The following VWA2 variants were observed in gnomAD, a reference collection of about 807,000 sequenced individuals.
VWA2 encodes von Willebrand factor A domain-containing protein 2.
Under a neutral mutation model 70.4 loss-of-function variants are expected in VWA2, and 73 were observed. The observed-to-expected ratio is 1.04, with a 90% CI of 0.86 to 1.26. The LOEUF is 1.26. VWA2 is among the 50% of genes most tolerant of loss of function. The pLI is 0.00. For synonymous variants in VWA2, 407 were observed against 423.3 expected (o/e 0.96, Z 0.47); for missense variants, 1,011 against 998.5 (o/e 1.01, Z -0.17).
At chr10:114,289,655 T>C (rs2133695272) in intron 12 of VWA2, 166 bp downstream of exon 12, 3 of 707,994 alleles carry the variant, frequency 4.2e-6, no homozygotes, top group South Asian at 3.6e-5. Flanking sequence ...AATCCTACAG[T>C]AGGCATAACC....
chr10:114,267,705 G>C (rs1005998566), intron 5 of VWA2, among the ~76,000 whole-genome samples: 1 of 151,826 alleles, frequency 6.6e-6, no homozygotes, highest in African/African-American at 2.4e-5. Context: ...GCCTTCCAAA[G>C]TGCTGAGATT....
At chr10:114,269,001 C>T (rs969585435) in intron 5 of VWA2, among the ~76,000 whole-genome samples, 3 of 150,008 alleles carry the variant, frequency 2.0e-5, no homozygotes, top group Non-Finnish European at 4.4e-5. Context: ...CGTGAGCCAC[C>T]GCGCCCGGCC....
In VWA2 at chr10:114,255,012, C is replaced by T. The variant is rs768387598; in HGVS notation, c.225C>T (p.Ile75=). 6.2e-6 allele frequency: 10 copies of T among 1,612,828 alleles called. No individual in the cohort carries two copies. The highest frequency in any genetic ancestry group is 7.6e-6 in the Non-Finnish European group (9 of 1,179,950). Residue 75 remains isoleucine, a synonymous_variant, in exon 4 of 14, where the codon ATC becomes ATT. Coordinates refer to ENST00000392982, the MANE Select transcript of VWA2 (RefSeq NM_001272046.2). Reference sequence around the variant, plus strand: ...TTGAAAGGTCCAAGCACTTTGCCATCACAGTCTGTGACGGTCTGGACATCA... The same window carrying T: ...TTGAAAGGTCCAAGCACTTTGCCATTACAGTCTGTGACGGTCTGGACATCA... ...GSFERSKHFA[I]TVCDGLDISP...
chr10:114,275,425 T>G (rs1278334191), intron 6 of VWA2, among the ~76,000 whole-genome samples: 1 of 152,206 alleles, frequency 6.6e-6, no homozygotes, highest in African/African-American at 2.4e-5. Flanking sequence ...TTTCCCACAT[T>G]GTGCCAGACA....
chr10:114,286,810 C>T (rs1348699002), intron 11 of VWA2, among the ~76,000 whole-genome samples: 2 of 152,148 alleles, frequency 1.3e-5, no homozygotes, highest in Non-Finnish European at 2.9e-5. Context: ...TTCTTAATCA[C>T]GATTTTATTG....
Position 114,273,006 on chromosome 10 carries a change from G to A in VWA2, c.566+72G>A, listed in dbSNP as rs564436036. On this transcript the variant is annotated intron_variant, in intron 6 of 13. Transcript: ENST00000392982. Reference sequence around the variant, plus strand: ...GGGATCGTGACATGGCCATGGGAGGGAAGGGAGGGGACTGGAAGAGCCGTC... The same window carrying A: ...GGGATCGTGACATGGCCATGGGAGGAAAGGGAGGGGACTGGAAGAGCCGTC... The A allele has an allele frequency of 2.0e-5, 28 of 1,388,744 alleles. No homozygotes were observed. The South Asian group carries it at 4.0e-4, about 20-fold the overall frequency. 86.0% of individuals were successfully genotyped at this position (1,388,744 alleles called of 1,614,324 possible).
chr10:114,245,221 A>T (rs2037045145), intron 1 of VWA2, among the ~76,000 whole-genome samples: 1 of 152,196 alleles, frequency 6.6e-6, no homozygotes, highest in Non-Finnish European at 1.5e-5. Context: ...CGCCTCTGGA[A>T]AAACATGCAG....
intron 1 of VWA2, among the ~76,000 whole-genome samples, chr10:114,245,474 G>A (rs981130807): frequency 1.6e-4 from 25 of 152,266 alleles, no homozygotes; most frequent in African/African-American, 4.3e-4. Context: ...CTGTAACTCC[G>A]TAAAATCGTC....
chr10:114,256,174 T>TTGTATACATTG (rs1359118881), intron 4 of VWA2, among the ~76,000 whole-genome samples: 3 of 152,222 alleles, frequency 2.0e-5, no homozygotes, highest in African/African-American at 7.2e-5. Context: ...CATTGCAGCA[T>TTGTATACATTG]TATGTGTATA....
At chr10:114,252,592 C>T (rs998813394) in intron 2 of VWA2, among the ~76,000 whole-genome samples, 5 of 152,042 alleles carry the variant, frequency 3.3e-5, no homozygotes, top group Admixed American at 6.5e-5. Flanking sequence ...CAGTTGCAAA[C>T]CTTGAGACCA....
chr10:114,242,490 G>A (rs900075307), intron 1 of VWA2, among the ~76,000 whole-genome samples: 8 of 151,916 alleles, frequency 5.3e-5, no homozygotes, highest in East Asian at 1.9e-4. Context: ...TCTGCATACC[G>A]CAGTGCCCCT....
rs752952201 is a variant in VWA2, at chr10:114,286,091, G to A, written c.1150G>A (p.Val384Met). Residue 384 changes from valine to methionine, a missense_variant, in exon 11 of 14, where the codon GTG (valine) becomes ATG (methionine). By Grantham distance (21) the Val-to-Met change is conservative. Transcript: ENST00000392982. ...LSEDSRARVG[V>M]ATYSRELLVA... ...CGAGGACTCTCGGGCCCGAGTGGGT[G>A]TGGCCACATACAGCAGGGAGCTGCT... 6.2e-7 allele frequency: 1 copy of A among 1,614,172 alleles called. No individual in the cohort carries two copies.
Position 114,254,970 on chromosome 10 carries a change from C to T in VWA2, c.183C>T (p.Ser61=), listed in dbSNP as rs754260936. The T allele has an allele frequency of 8.7e-6, 14 of 1,613,350 alleles. No homozygotes were observed. Among genetic ancestry groups the T allele is most frequent in the Non-Finnish European group, 1.2e-5 (14 of 1,179,948 alleles). ...TGTTTCTGTTAGATGGGTCTAACAG[C>T]GTCGGGAAAGGGAGCTTTGAAAGGT... ...DIMFLLDGSN[S]VGKGSFERSK... Residue 61 remains serine (S), a synonymous_variant, in exon 4 of 14, where the codon AGC becomes AGT. Transcript: ENST00000392982.
intron 1 of VWA2, chr10:114,246,200 A>C: frequency 8.7e-7 from 1 of 1,147,874 alleles, no homozygotes; most frequent in South Asian, 1.2e-5. Flanking sequence ...AGAGACCTAC[A>C]AAAGAATATC....
chr10:114,261,482 G>A (rs2037444457), intron 5 of VWA2, among the ~76,000 whole-genome samples, 187 bp downstream of exon 5: 1 of 152,142 alleles, frequency 6.6e-6, no homozygotes, highest in Admixed American at 6.6e-5. Context: ...GCATGATAAT[G>A]TCCCAGGTAG....
intron 5 of VWA2, among the ~76,000 whole-genome samples, chr10:114,268,755 C>T (rs1445992089): frequency 1.3e-5 from 2 of 149,536 alleles, no homozygotes; most frequent in Non-Finnish European, 3.0e-5. Flanking sequence ...AGTGCAGTGG[C>T]GCGATCTTGG....
intron 3 of VWA2, 106 bp from the exon 4 acceptor site, chr10:114,254,809 A>G: frequency 6.8e-7 from 1 of 1,465,290 alleles, no homozygotes; most frequent in Non-Finnish European, 9.3e-7. Context: ...TCATGCTAAG[A>G]GGGACAGCAG....
chr10:114,278,264 G>A (rs1249138737), intron 7 of VWA2, among the ~76,000 whole-genome samples: 31 of 152,168 alleles, frequency 2.0e-4, no homozygotes, highest in Admixed American at 2.0e-3. Flanking sequence ...TGGAGGTAGA[G>A]GGGCCCAGGG....
intron 9 of VWA2, among the ~76,000 whole-genome samples, chr10:114,283,787 G>A (rs1335342719): frequency 6.6e-6 from 1 of 152,234 alleles, no homozygotes; most frequent in African/African-American, 2.4e-5. Context: ...ATCTCAGTGA[G>A]CCCCCAGCTA....
Sources: gnomAD v4.1 joint callset for allele counts (sites outside exome capture counted in the v4.1 genomes callset) on GRCh38, gnomAD v4.1.1 for gene constraint, MANE v1.5 for transcripts, NCBI Gene and HGNC (gene_info 2026-07-23, HGNC 2026-07-21) for gene names.